The following SRRM2 variants were observed in gnomAD, a reference collection of about 807,000 sequenced individuals.
SRRM2 encodes serine/arginine repetitive matrix 2, also known as serine/arginine repetitive matrix protein 2.
SRRM2 carries 30 observed loss-of-function variants against 213.8 expected under a neutral mutation model. That is an observed-to-expected ratio of 0.14 (90% CI 0.10 to 0.19). SRRM2 has a LOEUF of 0.19. SRRM2 is among the 10% of genes least tolerant of loss of function. The pLI is 1.00. For missense variants in SRRM2, 4,904 were observed against 3,647.0 expected (o/e 1.34, Z -8.88); for synonymous variants, 2,025 against 1,377.7 (o/e 1.47, Z -10.40).
chr16:2,769,171 T>C lies in SRRM2; in HGVS notation c.7908T>C (p.Ser2636=), dbSNP rs926021323. The C allele has an allele frequency of 5.2e-5, 84 of 1,610,326 alleles. No individual in the cohort carries two copies. Among genetic ancestry groups the C allele is most frequent in the Admixed American group, 2.5e-4 (15 of 59,874 alleles). Residue 2636 remains serine, a synonymous_variant, in exon 12 of 15, where the codon TCT becomes TCC. Transcript: ENST00000301740. The part of the protein sequence containing the change: ...SSSSSSSSSS[S]SSSSSSSSSS... The stretch of plus-strand genomic sequence containing the variant: ...CCTCCTCCTCTTCCTCTTCTTCTTC[T>C]TCCTCCTCATCTTCCTCCTCCTCGT...
rs1289504499 is a variant in SRRM2 at position 2,752,852 on chromosome 16, AGGGTGAGG to A, written c.-32+8_-32+15del. The A allele has an allele frequency of 4.3e-6, 1 of 234,582 alleles. No individual in the cohort carries two copies. Among genetic ancestry groups the A allele is most frequent in the African/African-American group, 2.4e-5 (1 of 41,544 alleles). The allele number at this position is 234,582 out of a possible 1,614,324, so 14.5% of individuals were successfully genotyped here. ...GCGGCGGGCGGAGGCGGCGGGTGAG[AGGGTGAGG>A]GAGCCAGCGAGCCGGGTGGGGGAGG... On this transcript the variant is annotated splice_region_variant and intron_variant, in intron 1 of 14. Transcript: ENST00000301740.
intron 10 of SRRM2, 103 bp downstream of exon 10, chr16:2,760,602 A>G: frequency 1.5e-6 from 2 of 1,375,568 alleles, no homozygotes; most frequent in Non-Finnish European, 2.0e-6. Context: ...AAATAAATAA[A>G]TTCAGTTTTT....
Position 2,759,390 on chromosome 16 carries a change from A to G in SRRM2, c.728A>G (p.Lys243Arg), listed in dbSNP as rs1323959703. Residue 243 changes from lysine to arginine, a missense_variant, in exon 8 of 15, where the codon AAA (lysine) becomes AGA (arginine). Lys to Arg is a conservative substitution (Grantham distance 26). Coordinates refer to ENST00000301740, the MANE Select transcript of SRRM2 (RefSeq NM_016333.4). ...TPKSKRKSKDKKRKRSRSTTP... is the reference protein window; with the variant it reads ...TPKSKRKSKDRKRKRSRSTTP... Reference sequence around the variant, plus strand: ...AAGAGCAAACGTAAATCTAAGGACAAAAAGCGAAAGCGGTGAGTGAATTTG... The same window carrying G: ...AAGAGCAAACGTAAATCTAAGGACAGAAAGCGAAAGCGGTGAGTGAATTTG... 6.3e-7 allele frequency: 1 copy of G among 1,594,810 alleles called. No individual in the cohort carries two copies. Among genetic ancestry groups the G allele is most frequent in the Non-Finnish European group, 8.5e-7 (1 of 1,174,296 alleles).
chr16:2,758,921 T>G, intron 5 of SRRM2, 64 bp from the exon 6 acceptor site: 1 of 1,588,860 alleles, frequency 6.3e-7, no homozygotes, highest in Non-Finnish European at 8.6e-7. Flanking sequence ...AGGAGAGAGA[T>G]TGTAAGTGGG....
At chr16:2,758,089 C>A in intron 4 of SRRM2, 144 bp downstream of exon 4, 3 of 994,562 alleles carry the variant, frequency 3.0e-6, no homozygotes, top group Non-Finnish European at 4.4e-6. Context: ...AAAATGTGTC[C>A]AAGGGTTAGT....
chr16:2,763,317 A>C lies in SRRM2; in HGVS notation c.2789A>C (p.His930Pro), dbSNP rs772897638. 4 of 1,614,224 alleles carry C rather than the reference A, an allele frequency of 2.5e-6. No individual in the cohort carries two copies. The highest frequency in any genetic ancestry group is 4.5e-5 in the East Asian group (2 of 44,882). Residue 930 changes from histidine to proline, a missense_variant, in exon 11 of 15, where the codon CAT becomes CCT. Transcript: ENST00000301740. The stretch of plus-strand genomic sequence containing the variant: ...ATAATATCACCAAGACAAAGAAGCC[A>C]TTCTGGCTCCTCTTCTCCAAGTCCT... Reference protein sequence around the residue: ...KAIISPRQRSHSGSSSPSPSR... With the variant: ...KAIISPRQRSPSGSSSPSPSR...
chr16:2,761,145 A>G (rs1443223389), intron 10 of SRRM2, among the ~76,000 whole-genome samples: 1 of 151,894 alleles, frequency 6.6e-6, no homozygotes, highest in African/African-American at 2.4e-5. Context: ...CTGCTTTTTT[A>G]CTCTTCACAC....
At chr16:2,755,075 T>A (rs187022361) in intron 1 of SRRM2, among the ~76,000 whole-genome samples, 59 of 152,302 alleles carry the variant, frequency 3.9e-4, no homozygotes, top group Admixed American at 7.2e-4. Flanking sequence ...TTCCTTAGGG[T>A]TTTTTCTTAG....
rs756414564 is a variant in SRRM2, at chr16:2,760,283, C to T, written c.834-18C>T. 1 of 1,609,470 alleles carries T rather than the reference C, an allele frequency of 6.2e-7. No homozygotes were observed. The highest frequency in any genetic ancestry group is 1.7e-5 in the Admixed American group (1 of 59,798). On this transcript the variant is annotated intron_variant, in intron 9 of 14. Coordinates refer to ENST00000301740, the MANE Select transcript of SRRM2 (RefSeq NM_016333.4). ...GCTGATTTCCTTCCTCTCCCACGTC[C>T]TCAATTAACTCCTGCAGGTCTCGAA...
Position 2,765,663 on chromosome 16 carries a change from C to T in SRRM2, c.5135C>T (p.Ser1712Phe), listed in dbSNP as rs754253600. The T allele has an allele frequency of 2.5e-6, 4 of 1,614,194 alleles. No individual in the cohort carries two copies. In the South Asian group the frequency reaches 3.3e-5, roughly 13 times the overall value. ...RLSRRSRSAS[S>F]SPETRSRTPP... The stretch of plus-strand genomic sequence containing the variant: ...TCCCGTAGAAGCCGCTCTGCCTCAT[C>T]CTCACCAGAAACTCGCTCTAGAACT... Residue 1712 changes from serine to phenylalanine, a missense_variant, in exon 11 of 15, where the codon TCC becomes TTC. Coordinates refer to ENST00000301740, the MANE Select transcript of SRRM2 (RefSeq NM_016333.4).
Position 2,763,394 on chromosome 16 carries a change from T to A in SRRM2, c.2866T>A (p.Cys956Ser), listed in dbSNP as rs1265061216. Residue 956 changes from cysteine (C) to serine (S), a missense_variant, in exon 11 of 15, where the codon TGC (cysteine) becomes AGC (serine). By Grantham distance (112) the Cys-to-Ser change is moderately radical. Coordinates refer to ENST00000301740, the MANE Select transcript of SRRM2 (RefSeq NM_016333.4). ...TPRRSRSVSP[C>S]SNVESRLLPR... ...ACGGCGAAGCAGATCAGTATCTCCC[T>A]GCTCCAATGTGGAATCCAGATTGTT... The A allele has an allele frequency of 1.2e-5, 19 of 1,614,156 alleles. No homozygotes were observed. The highest frequency in any genetic ancestry group is 1.6e-5 in the Non-Finnish European group (19 of 1,180,066).
chr16:2,764,400 C>T lies in SRRM2; in HGVS notation c.3872C>T (p.Ala1291Val), dbSNP rs1187797209. The T allele has an allele frequency of 3.1e-6, 5 of 1,613,260 alleles. No homozygotes were observed. Among genetic ancestry groups the T allele is most frequent in the Non-Finnish European group, 4.2e-6 (5 of 1,179,864 alleles). The stretch of plus-strand genomic sequence containing the variant: ...ACTCTTGATCAGAGCCAGTCACAGG[C>T]TTCTTTGGAAGCAGTAGAAGTCCCT... ...SLTLDQSQSQ[A>V]SLEAVEVPSM... is the part of the protein sequence containing the mutation. The change falls in exon 11 of 15, where the codon GCT becomes GTT. Residue 1291 changes from alanine (A) to valine (V), a missense_variant. By Grantham distance (64) the Ala-to-Val change is moderately conservative (BLOSUM62 0). Coordinates refer to ENST00000301740, the MANE Select transcript of SRRM2 (RefSeq NM_016333.4).
Position 2,764,119 on chromosome 16 carries a change from G to A in SRRM2, c.3591G>A (p.Glu1197=), listed in dbSNP as rs775643828. Residue 1197 remains glutamate (E), a synonymous_variant, in exon 11 of 15, where the codon GAG becomes GAA. Transcript: ENST00000301740. The part of the protein sequence containing the change: ...FSPFPVQDRP[E]SSLVFKDTLR... ...CCTTTCCAGTACAGGATAGGCCTGAGTCTTCACTGGTATTCAAAGACACAC... is the reference window on the plus strand; with the variant it reads ...CCTTTCCAGTACAGGATAGGCCTGAATCTTCACTGGTATTCAAAGACACAC... The A allele has an allele frequency of 6.2e-6, 10 of 1,614,150 alleles. No homozygotes were observed. The highest frequency in any genetic ancestry group is 8.5e-6 in the Non-Finnish European group (10 of 1,180,038).
chr16:2,759,210 G>C (rs199511291), intron 7 of SRRM2, 38 bp downstream of exon 7: 1 of 1,608,988 alleles, frequency 6.2e-7, no homozygotes, highest in Non-Finnish European at 8.5e-7. Context: ...GCAGTGGCAT[G>C]TGGAGTGGTG....
At chr16:2,755,815 T>C (rs995094844) in intron 1 of SRRM2, among the ~76,000 whole-genome samples, 2 of 152,178 alleles carry the variant, frequency 1.3e-5, no homozygotes, top group Non-Finnish European at 2.9e-5. Context: ...TGGTCTGAAA[T>C]CCTTAGGTAA....
intron 10 of SRRM2, 137 bp from the exon 11 acceptor site, chr16:2,761,424 T>C (rs565334883): frequency 2.1e-5 from 13 of 617,902 alleles, no homozygotes; most frequent in Non-Finnish European, 2.6e-5. Context: ...TTCCTTGTTA[T>C]TGAATGAAAG....
intron 1 of SRRM2, among the ~76,000 whole-genome samples, chr16:2,755,038 C>T (rs1302204732): frequency 6.6e-6 from 1 of 152,198 alleles, no homozygotes; most frequent in Non-Finnish European, 1.5e-5. Flanking sequence ...TCTTTTACAT[C>T]TTTGATTACT....
At position 2,763,012 on chromosome 16, in the gene SRRM2, G is replaced by T; in HGVS notation, c.2484G>T (p.Lys828Asn). The change falls in exon 11 of 15, where the codon AAG becomes AAT. Residue 828 changes from lysine to asparagine, a missense_variant. Lys to Asn is a moderately conservative substitution (Grantham distance 94, BLOSUM62 0). Coordinates refer to ENST00000301740, the MANE Select transcript of SRRM2 (RefSeq NM_016333.4). ...CTCCGCCACCTAAACAGAAATCTAA[G>T]ACACCATCAAGACAAAGTCATTCCA... ...SSSPPPKQKS[K>N]TPSRQSHSSS... The T allele has an allele frequency of 6.2e-7, 1 of 1,613,940 alleles. No homozygotes were observed.
At chr16:2,761,384 CATAT>C (rs1240182050) in intron 10 of SRRM2, among the ~76,000 whole-genome samples, 173 bp from the exon 11 acceptor site, 1 of 152,170 alleles carries the variant, frequency 6.6e-6, no homozygotes, top group Non-Finnish European at 1.5e-5. Flanking sequence ...TCCATATATT[CATAT>C]GTTTTCACCA....
Sources: gnomAD v4.1 joint callset for allele counts (sites outside exome capture counted in the v4.1 genomes callset) on GRCh38, gnomAD v4.1.1 for gene constraint, MANE v1.5 for transcripts, NCBI Gene and HGNC (gene_info 2026-07-23, HGNC 2026-07-21) for gene names.